ARHGAP26: variants seen among roughly 807,000 people sequenced by gnomAD.
ARHGAP26 encodes Rho GTPase activating protein 26.
ARHGAP26 carries 38 observed loss-of-function variants against 104.8 expected under a neutral mutation model. The ratio of observed to expected loss-of-function variants is 0.36; its 90% CI spans 0.28 to 0.48. The LOEUF is 0.48. Among genes scored for constraint, ARHGAP26 ranks in the 20% least tolerant of loss-of-function variants. The pLI, the probability that ARHGAP26 is intolerant of heterozygous loss-of-function variation, is 0.99. For missense variants in ARHGAP26, 704 were observed against 947.9 expected (o/e 0.74, Z 3.38); for synonymous variants, 341 against 340.0 (o/e 1.00, Z -0.03).
At chr5:142,969,941 T>A (rs1420681028) in intron 11 of ARHGAP26, among the ~76,000 whole-genome samples, 4 of 152,158 alleles carry the variant, frequency 2.6e-5, no homozygotes, top group Non-Finnish European at 5.9e-5. Flanking sequence ...GTTCTTGATA[T>A]TTTTGAGGTT....
At chr5:142,938,918 G>A (rs951810466) in intron 11 of ARHGAP26, among the ~76,000 whole-genome samples, 2 of 152,150 alleles carry the variant, frequency 1.3e-5, no homozygotes, top group Admixed American at 1.3e-4. Context: ...CACAAGTTTT[G>A]AAGGTTGGCA....
chr5:142,964,529 T>G (rs1305919413), intron 11 of ARHGAP26, among the ~76,000 whole-genome samples: 1 of 138,844 alleles, frequency 7.2e-6, no homozygotes, highest in Non-Finnish European at 1.5e-5. Context: ...TATGCCTTGC[T>G]TTTCTCTGTT....
chr5:143,095,585 G>A (rs1792173871), intron 17 of ARHGAP26, among the ~76,000 whole-genome samples: 1 of 152,160 alleles, frequency 6.6e-6, no homozygotes, highest in South Asian at 2.1e-4. Flanking sequence ...GAAGATGACT[G>A]GATAAATCAT....
intron 14 of ARHGAP26, 34 bp downstream of exon 14, chr5:143,041,924 C>G: frequency 6.4e-7 from 1 of 1,552,526 alleles, no homozygotes. Context: ...AGGCAGGTCC[C>G]TGGATGGGGG....
chr5:142,923,792 C>A (rs533223364), intron 10 of ARHGAP26, among the ~76,000 whole-genome samples: 1 of 151,520 alleles, frequency 6.6e-6, no homozygotes, highest in Non-Finnish European at 1.5e-5. Flanking sequence ...AGGAACATTC[C>A]TCTAAAAATA....
chr5:142,965,524 C>T (rs1771178037), intron 11 of ARHGAP26, among the ~76,000 whole-genome samples: 1 of 152,222 alleles, frequency 6.6e-6, no homozygotes, highest in African/African-American at 2.4e-5. Flanking sequence ...GTCTTCTGGT[C>T]ACACCTCACT....
At chr5:142,827,884 C>T (rs566759945) in intron 1 of ARHGAP26, among the ~76,000 whole-genome samples, 2 of 152,340 alleles carry the variant, frequency 1.3e-5, no homozygotes, top group Admixed American at 1.3e-4. Flanking sequence ...TAATGATTCT[C>T]CTGGCATCCG....
intron 22 of ARHGAP26, 80 bp from the exon 23 acceptor site, chr5:143,222,278 C>T: frequency 3.7e-6 from 3 of 814,986 alleles, no homozygotes; most frequent in East Asian, 2.8e-5. Flanking sequence ...CACACACACA[C>T]ACACACCCCA....
At chr5:143,004,444 G>A (rs1344694174) in intron 11 of ARHGAP26, among the ~76,000 whole-genome samples, 2 of 152,142 alleles carry the variant, frequency 1.3e-5, no homozygotes, top group East Asian at 3.8e-4. Context: ...GAAAGGGTTA[G>A]GCTGACAATG....
At chr5:143,135,503 T>C (rs1238514518) in intron 19 of ARHGAP26, among the ~76,000 whole-genome samples, 40 of 152,168 alleles carry the variant, frequency 2.6e-4, no homozygotes, top group Admixed American at 2.6e-3. Context: ...TTTCTTTTTG[T>C]CACCAAAAAG....
chr5:143,086,298 C>T (rs1456618001), intron 17 of ARHGAP26, among the ~76,000 whole-genome samples: 1 of 152,192 alleles, frequency 6.6e-6, no homozygotes, highest in African/African-American at 2.4e-5. Context: ...CATTGTTGAT[C>T]ATTTTTCTAG....
At chr5:142,899,141 A>G (rs1759909063) in intron 6 of ARHGAP26, among the ~76,000 whole-genome samples, 2 of 152,320 alleles carry the variant, frequency 1.3e-5, no homozygotes, top group East Asian at 1.9e-4. Context: ...GACACCAGCT[A>G]TGGCATCTTT....
chr5:142,924,856 A>G (rs1188310025), intron 10 of ARHGAP26, among the ~76,000 whole-genome samples: 1 of 152,228 alleles, frequency 6.6e-6, no homozygotes, highest in Non-Finnish European at 1.5e-5. Flanking sequence ...TCCTTTGTGG[A>G]TGACCTGGAG....
chr5:142,855,201 T>C (rs897896539), intron 1 of ARHGAP26, among the ~76,000 whole-genome samples: 2 of 152,184 alleles, frequency 1.3e-5, no homozygotes, highest in Admixed American at 6.5e-5. Context: ...CAAAACAGCC[T>C]TTTAAAACCC....
At chr5:143,192,585 C>T (rs12186402) in intron 20 of ARHGAP26, 21,425 of 152,144 alleles carry the variant, frequency 0.14, 1,988 homozygotes, top group South Asian at 0.4. Context: ...ACTTTATGGC[C>T]CCTTAAGAAA....
intron 1 of ARHGAP26, among the ~76,000 whole-genome samples, chr5:142,839,831 A>G (rs1262007776): frequency 6.8e-6 from 1 of 147,078 alleles, no homozygotes; most frequent in African/African-American, 2.5e-5. Flanking sequence ...GAGCTCAGAG[A>G]CTGGAGACCT....
intron 6 of ARHGAP26, among the ~76,000 whole-genome samples, chr5:142,895,387 C>G (rs1372538184): frequency 6.6e-6 from 1 of 152,046 alleles, no homozygotes; most frequent in East Asian, 1.9e-4. Context: ...CACGCCACCA[C>G]GCCTGGCTAA....
chr5:143,046,650 C>A (rs1368052697), intron 14 of ARHGAP26, among the ~76,000 whole-genome samples: 5 of 152,188 alleles, frequency 3.3e-5, no homozygotes, highest in African/African-American at 7.2e-5. Context: ...GGGGTTTTCC[C>A]CCCTGAATAT....
intron 9 of ARHGAP26, among the ~76,000 whole-genome samples, chr5:142,910,696 G>A (rs762454606): frequency 2.0e-5 from 3 of 152,166 alleles, no homozygotes; most frequent in Admixed American, 6.5e-5. Context: ...CCAAGATGGC[G>A]CCATTGCATT....
Sources: gnomAD v4.1 joint callset for allele counts (sites outside exome capture counted in the v4.1 genomes callset) on GRCh38, gnomAD v4.1.1 for gene constraint, MANE v1.5 for transcripts, NCBI Gene and HGNC (gene_info 2026-07-23, HGNC 2026-07-21) for gene names.